Variants in XKRX observed in about 807,000 individuals in gnomAD.
XKRX encodes the protein XK-related protein 2.
In XKRX, 11 loss-of-function variants were observed where a neutral mutation model predicts 22.4. The observed-to-expected ratio is 0.49, with a 90% CI of 0.31 to 0.81. The LOEUF (loss-of-function observed/expected upper bound fraction) is 0.81, where lower values mean the gene tolerates loss of function less well. Among genes scored for constraint, XKRX ranks in the 40% least tolerant of loss-of-function variants. The pLI is 0.05. For missense variants in XKRX, 320 were observed against 336.5 expected (o/e 0.95, Z 0.38); for synonymous variants, 114 against 132.2 (o/e 0.86, Z 0.94).
chrX:100,923,841 T>C (rs1430168241), intron 1 of XKRX, among the ~76,000 whole-genome samples: 7 of 99,927 alleles, frequency 7.0e-5, no homozygotes, highest in Non-Finnish European at 8.2e-5. Context: ...TTCTTTCTTT[T>C]TTTTTTTTTT....
At chrX:100,940,463 A>C in the XKRX span, among the ~76,000 whole-genome samples, 1 of 111,518 alleles carries the variant, frequency 9.0e-6, no homozygotes, top group African/African-American at 3.3e-5. Context: ...AGAAAATCTG[A>C]ATTTGTGAAG....
At chrX:100,951,329 A>G in the XKRX span, among the ~76,000 whole-genome samples, 1 of 106,177 alleles carries the variant, frequency 9.4e-6, no homozygotes, top group South Asian at 4.4e-4. Flanking sequence ...CTTGGGCAAT[A>G]GAATCATTAG....
chrX:100,947,966 G>A, the XKRX span, among the ~76,000 whole-genome samples: 3 of 106,795 alleles, frequency 2.8e-5, no homozygotes, highest in Non-Finnish European at 5.8e-5. Context: ...GCAGTGGCAT[G>A]ATCTTGGCTC....
rs766865359 is a variant in XKRX, at chrX:100,914,432, T to C, written c.1256A>G (p.Tyr419Cys). ...CTGGTGACAGCAGACACAATGGAGG[T>C]AGTCTACTACATTATGGGTGAAGAG... The part of the protein sequence containing the change: ...RSLFTHNVVD[Y>C]LHCVCCHQHP... The change falls in exon 3 of 3, where the codon TAC (tyrosine) becomes TGC (cysteine). Residue 419 changes from tyrosine to cysteine, a missense_variant. Coordinates refer to ENST00000372956, the MANE Select transcript of XKRX (RefSeq NM_212559.3). 6 of 1,209,165 alleles carry C rather than the reference T, an allele frequency of 5.0e-6. No homozygotes were observed. The Admixed American group carries it at 6.6e-5, about 13-fold the overall frequency.
rs778045080 is a variant in XKRX, at chrX:100,919,949, T to G, written c.604+2844A>C. Reference sequence around the variant, plus strand: ...CACAGGTATTTATAAAGATGTTTACTGTGGCATAATTTGCAATTAGGAAAC... The same window carrying G: ...CACAGGTATTTATAAAGATGTTTACGGTGGCATAATTTGCAATTAGGAAAC... On this transcript the variant is annotated intron_variant, in intron 2 of 2. Transcript: ENST00000372956. Among the ~76,000 whole-genome samples, 13 of 112,030 alleles carry G rather than the reference T, an allele frequency of 1.2e-4. No individual in the cohort carries two copies. In the East Asian group the frequency reaches 3.6e-3, roughly 31 times the overall value.
At chrX:100,957,259 TG>T in the XKRX span, 1 of 986,606 alleles carries the variant, frequency 1.0e-6, no homozygotes, top group Non-Finnish European at 1.4e-6. Context: ...AGATTTGACA[TG>T]GAAGTGAAAG....
intron 2 of XKRX, among the ~76,000 whole-genome samples, chrX:100,917,338 T>C (rs983530824): frequency 1.7e-4 from 19 of 109,120 alleles, no homozygotes; most frequent in Non-Finnish European, 3.4e-4. Flanking sequence ...GTTCCAGCCG[T>C]GCACACGGTG....
chrX:100,940,834 G>A, the XKRX span, among the ~76,000 whole-genome samples: 2 of 111,514 alleles, frequency 1.8e-5, no homozygotes, highest in African/African-American at 6.5e-5. Context: ...CCATGACCTG[G>A]CCCAAACACG....
At chrX:100,957,399 G>A in the XKRX span, 9 of 1,205,246 alleles carry the variant, frequency 7.5e-6, no homozygotes, top group East Asian at 3.0e-5. Flanking sequence ...GCTGACCCCC[G>A]AGCAGTACCG....
the XKRX span, among the ~76,000 whole-genome samples, chrX:100,937,771 T>C: frequency 8.9e-6 from 1 of 112,455 alleles, no homozygotes; most frequent in Non-Finnish European, 1.9e-5. Context: ...CCTAATATAA[T>C]TCAGTAATAA....
the XKRX span, among the ~76,000 whole-genome samples, chrX:100,954,187 G>C: frequency 5.4e-5 from 6 of 111,458 alleles, no homozygotes; most frequent in African/African-American, 2.0e-4. Flanking sequence ...GGGAGGCCAA[G>C]GTGGGCGGAT....
upstream of XKRX, among the ~76,000 whole-genome samples, chrX:100,930,213 C>T (rs1427928727): frequency 2.8e-5 from 3 of 108,463 alleles, no homozygotes; most frequent in Admixed American, 2.0e-4. Context: ...AACTTGAACC[C>T]GGACGGCAGA....
the XKRX span, among the ~76,000 whole-genome samples, chrX:100,897,562 G>C: frequency 2.1e-5 from 2 of 94,240 alleles, no homozygotes; most frequent in African/African-American, 7.8e-5. Context: ...TCCAGCCTGG[G>C]CAAAAAAAAA....
Position 100,928,329 on chromosome X carries a change from T to C in XKRX, c.-25A>G, listed in dbSNP as rs751466453. ...TTGTCGAGGTTCTTTCTGAATGTTG[T>C]GGTCTTGTGTTCATAGCACCCTCCC... On this transcript the variant is annotated 5_prime_UTR_variant, in exon 1 of 3. Coordinates refer to ENST00000372956, the MANE Select transcript of XKRX (RefSeq NM_212559.3). 2.5e-6 allele frequency: 3 copies of C among 1,197,345 alleles called. No individual in the cohort carries two copies. Among genetic ancestry groups the C allele is most frequent in the African/African-American group, 3.5e-5 (2 of 56,840 alleles).
chrX:100,905,172 G>A, the XKRX span, among the ~76,000 whole-genome samples: 1 of 111,766 alleles, frequency 8.9e-6, no homozygotes, highest in Non-Finnish European at 1.9e-5. Context: ...CTGTGTGACC[G>A]TGGGCAAGTT....
the XKRX span, among the ~76,000 whole-genome samples, chrX:100,901,740 C>T: frequency 1.1e-4 from 12 of 111,997 alleles, no homozygotes; most frequent in African/African-American, 3.2e-4. Context: ...CGGCTCACAC[C>T]TGTAATTCCA....
Position 100,928,265 on chromosome X carries a change from C to T in XKRX, c.40G>A (p.Asp14Asn). ...VYEIPEEPNV[D>N]PVSSLEEDVI... ...TCTTCCTCCAGAGATGAAACCGGAT[C>T]CACATTTGGCTCCTCAGGAATTTCA... The change falls in exon 1 of 3, where the codon GAT becomes AAT. Residue 14 changes from aspartate (D) to asparagine (N), a missense_variant. By Grantham distance (23) the Asp-to-Asn change is conservative. Transcript: ENST00000372956. The T allele has an allele frequency of 8.3e-7, 1 of 1,211,135 alleles. No homozygotes were observed. Among genetic ancestry groups the T allele is most frequent in the Non-Finnish European group, 1.1e-6 (1 of 895,370 alleles).
At chrX:100,940,763 C>G in the XKRX span, among the ~76,000 whole-genome samples, 51 of 111,588 alleles carry the variant, frequency 4.6e-4, no homozygotes, top group African/African-American at 1.7e-3. Flanking sequence ...TTTAAGCAAG[C>G]CTGGCAAAAC....
chrX:100,917,722 G>T (rs66873529), intron 2 of XKRX, among the ~76,000 whole-genome samples: 6,593 of 73,391 alleles, frequency 0.09, 403 homozygotes, highest in East Asian at 0.32. Context: ...AAGAAAGAAA[G>T]AAATCCTTGG....
Sources: allele counts gnomAD v4.1 joint callset (sites outside exome capture counted in the v4.1 genomes callset), GRCh38; gene constraint gnomAD v4.1.1; transcripts MANE v1.5; gene names NCBI Gene and HGNC (gene_info 2026-07-23, HGNC 2026-07-21).